The following LRRK2 variants were observed in gnomAD, a reference collection of about 807,000 sequenced individuals.
LRRK2 encodes leucine rich repeat kinase 2, also known as leucine-rich repeat serine/threonine-protein kinase 2.
LRRK2 carries 203 observed loss-of-function variants against 302.6 expected under a neutral mutation model. The ratio of observed to expected loss-of-function variants is 0.67; its 90% confidence interval spans 0.60 to 0.75. The LOEUF is 0.75. LRRK2 is among the 30% of genes least tolerant of loss of function. The pLI is 0.00. For synonymous variants in LRRK2, 1,066 were observed against 1,031.9 expected (o/e 1.03, Z -0.63); for missense variants, 2,830 against 2,951.0 (o/e 0.96, Z 0.95).
intron 14 of LRRK2, among the ~76,000 whole-genome samples, 191 bp from the exon 15 acceptor site, chr12:40,274,392 T>A (rs1943363604): frequency 6.6e-6 from 1 of 152,166 alleles, no homozygotes; most frequent in African/African-American, 2.4e-5. Flanking sequence ...GAACAAGCTC[T>A]CCTTAATTGT....
At position 40,309,247 on chromosome 12, in the gene LRRK2, A is replaced by T; in HGVS notation, c.4317+14A>T. The T allele has an allele frequency of 6.2e-7, 1 of 1,611,274 alleles. No homozygotes were observed. Among genetic ancestry groups the T allele is most frequent in the Non-Finnish European group, 8.5e-7 (1 of 1,179,100 alleles). Reference sequence around the variant, plus strand: ...TTCAATATAAAGGTGATTTGTTCTGATCATTTGAAAATAGAAAATAATTCA... The same window carrying T: ...TTCAATATAAAGGTGATTTGTTCTGTTCATTTGAAAATAGAAAATAATTCA... On this transcript the variant is annotated intron_variant, in intron 30 of 50. Coordinates refer to ENST00000298910, the MANE Select transcript of LRRK2 (RefSeq NM_198578.4).
At position 40,298,395 on chromosome 12, in the gene LRRK2, A is replaced by C. The variant is rs1944463758; in HGVS notation, c.3249A>C (p.Pro1083=). 6.2e-7 allele frequency: 1 copy of C among 1,613,846 alleles called. No individual in the cohort carries two copies. Among genetic ancestry groups the C allele is most frequent in the Non-Finnish European group, 8.5e-7 (1 of 1,179,968 alleles). Residue 1083 remains proline, a synonymous_variant, in exon 24 of 51, where the codon CCA becomes CCC. Coordinates refer to ENST00000298910, the MANE Select transcript of LRRK2 (RefSeq NM_198578.4). ...TTTTAGATCCTACAGTGAAATGTCC[A>C]ACTCTGAAACAGTTTAACCTGTCAT... ...SVVLDPTVKC[P]TLKQFNLSYN...
intron 31 of LRRK2, chr12:40,312,616 C>G (rs1198340772): frequency 6.6e-6 from 1 of 152,080 alleles, no homozygotes; most frequent in African/African-American, 2.4e-5. Context: ...TTGGCTCAGC[C>G]TGTCAGTTAA....
chr12:40,266,226 T>C (rs999806754), intron 14 of LRRK2, among the ~76,000 whole-genome samples: 1 of 151,914 alleles, frequency 6.6e-6, no homozygotes, highest in Non-Finnish European at 1.5e-5. Flanking sequence ...ACCTACAGAA[T>C]GGGAGAAAAT....
chr12:40,293,695 G>T, intron 21 of LRRK2, 32 bp downstream of exon 21: 2 of 1,410,484 alleles, frequency 1.4e-6, no homozygotes, highest in Non-Finnish European at 2.0e-6. Context: ...TGATTATGTT[G>T]TGTTTTGCTG....
intron 25 of LRRK2, chr12:40,300,987 G>A (rs529641070): frequency 2.4e-4 from 111 of 469,320 alleles, no homozygotes; most frequent in Non-Finnish European, 4.7e-4. Context: ...TGATCCTAAT[G>A]GTCATACCTA....
rs765275134 is a variant in LRRK2 at position 40,320,023 on chromosome 12, C to A, written c.4863C>A (p.His1621Gln). Residue 1621 changes from histidine (H) to glutamine (Q), a missense_variant, in exon 34 of 51, where the codon CAC becomes CAA. Coordinates refer to ENST00000298910, the MANE Select transcript of LRRK2 (RefSeq NM_198578.4). ...LTVKVEGCPK[H>Q]PKGIISRRDV... ...TGAAAGTGGAAGGTTGTCCAAAACA[C>A]CCTAAGGGCATTATTTCGCGTAGAG... 6.8e-6 allele frequency: 11 copies of A among 1,611,278 alleles called. No individual in the cohort carries two copies. Among genetic ancestry groups the A allele is most frequent in the Non-Finnish European group, 8.5e-7 (1 of 1,178,446 alleles).
chr12:40,247,488 G>T (rs551489152), intron 7 of LRRK2, among the ~76,000 whole-genome samples: 1 of 142,730 alleles, frequency 7.0e-6, no homozygotes, highest in Non-Finnish European at 1.5e-5. Flanking sequence ...GTATATAAAT[G>T]TGTATATATA....
intron 2 of LRRK2, 88 bp downstream of exon 2, chr12:40,225,728 T>C: frequency 8.0e-7 from 1 of 1,244,168 alleles, no homozygotes; most frequent in Non-Finnish European, 1.2e-6. Flanking sequence ...CCGAGAGTTC[T>C]TGGTTATTCC....
chr12:40,346,664 T>C (rs1946198099), intron 41 of LRRK2, 89 bp from the exon 42 acceptor site: 6 of 1,199,140 alleles, frequency 5.0e-6, no homozygotes, highest in Non-Finnish European at 7.3e-6. Context: ...CCTGACTCTC[T>C]TATTTGGCAT....
intron 23 of LRRK2, among the ~76,000 whole-genome samples, chr12:40,297,233 A>T (rs866752140): frequency 4.7e-4 from 72 of 152,320 alleles, no homozygotes; most frequent in African/African-American, 1.6e-3. Context: ...CAAGCAAAAT[A>T]ATTTTGGGAT....
chr12:40,279,849 A>G (rs1943611774), intron 18 of LRRK2, among the ~76,000 whole-genome samples: 1 of 152,232 alleles, frequency 6.6e-6, no homozygotes. Context: ...GAGGTTATTT[A>G]TATCTAGCAA....
intron 24 of LRRK2, 104 bp downstream of exon 24, chr12:40,298,597 C>T: frequency 7.0e-7 from 1 of 1,423,808 alleles, no homozygotes; most frequent in Non-Finnish European, 9.8e-7. Flanking sequence ...CATGGTGAAA[C>T]TCCATCTCTA....
intron 20 of LRRK2, among the ~76,000 whole-genome samples, chr12:40,290,824 C>T (rs569332962): frequency 6.6e-6 from 1 of 151,688 alleles, no homozygotes; most frequent in African/African-American, 2.4e-5. Flanking sequence ...CTTTATTGTT[C>T]CCTTTTCCTT....
chr12:40,335,981 C>T (rs1175018908), intron 40 of LRRK2, among the ~76,000 whole-genome samples: 1 of 152,208 alleles, frequency 6.6e-6, no homozygotes, highest in Non-Finnish European at 1.5e-5. Context: ...TCACTAACGT[C>T]TAAATCTGAG....
chr12:40,283,797 A>T lies in LRRK2; in HGVS notation c.2242-78A>T, dbSNP rs36212067. 3.9e-6 allele frequency: 5 copies of T among 1,272,088 alleles called. No homozygotes were observed. In the East Asian group the frequency reaches 1.0e-4, roughly 26 times the overall value. The allele number at this position is 1,272,088 out of a possible 1,614,324, so 78.8% of individuals were successfully genotyped here. ...AATTGGAGATGTAGAGAAAAATCAC[A>T]TGAAGTTTGATTTGCCAGTCTCCTA... On this transcript the variant is annotated intron_variant, in intron 18 of 50. Transcript: ENST00000298910.
chr12:40,335,188 G>A, intron 40 of LRRK2, 31 bp downstream of exon 40: 9 of 1,610,096 alleles, frequency 5.6e-6, no homozygotes, highest in Non-Finnish European at 7.6e-6. Flanking sequence ...TCTATTCAGT[G>A]CATGACAAGT....
intron 47 of LRRK2, among the ~76,000 whole-genome samples, chr12:40,361,130 A>G (rs1298833381): frequency 1.3e-5 from 2 of 152,006 alleles, no homozygotes. Flanking sequence ...GATGGGGATC[A>G]GATTTTTTTT....
Position 40,277,877 on chromosome 12 carries a change from T to C in LRRK2, c.1942-11T>C. ...TTGCTTATTTTATTATTTTTTTTCT[T>C]ATACTTTTAGGGATTTCAGACAATC... On this transcript the variant is annotated splice_polypyrimidine_tract_variant and intron_variant, in intron 16 of 50. Coordinates refer to ENST00000298910, the MANE Select transcript of LRRK2 (RefSeq NM_198578.4). 6.3e-7 allele frequency: 1 copy of C among 1,590,590 alleles called. No homozygotes were observed. The highest frequency in any genetic ancestry group is 1.1e-5 in the South Asian group (1 of 89,240).
Sources: gnomAD v4.1 joint callset for allele counts (sites outside exome capture counted in the v4.1 genomes callset) on GRCh38, gnomAD v4.1.1 for gene constraint, MANE v1.5 for transcripts, NCBI Gene and HGNC (gene_info 2026-07-23, HGNC 2026-07-21) for gene names.